The following PEPD variants were observed in gnomAD, a reference collection of about 807,000 sequenced individuals.
PEPD encodes the protein xaa-Pro dipeptidase.
In PEPD, 53 loss-of-function variants were observed where a neutral mutation model predicts 60.7. That is an observed-to-expected ratio of 0.87 (90% confidence interval 0.70 to 1.10). The LOEUF is 1.10. Among genes scored for constraint, PEPD ranks in the 50% least tolerant of loss-of-function variants. PEPD has a pLI of 0.00. For synonymous variants in PEPD, 267 were observed against 284.1 expected (o/e 0.94, Z 0.60); for missense variants, 711 against 711.9 (o/e 1.00, Z 0.01).
intron 7 of PEPD, among the ~76,000 whole-genome samples, chr19:33,465,572 C>G (rs1216472733): frequency 6.6e-6 from 1 of 152,100 alleles, no homozygotes; most frequent in African/African-American, 2.4e-5. Context: ...GCTGAGATGC[C>G]CTTGTGACAG....
At chr19:33,471,222 TGCTTAAATAGACG>T (rs1970114284) in intron 7 of PEPD, among the ~76,000 whole-genome samples, 1 of 152,156 alleles carries the variant, frequency 6.6e-6, no homozygotes, top group Non-Finnish European at 1.5e-5. Flanking sequence ...ATTGAATCTA[TGCTTAAATAGACG>T]TCTGCTGTGT....
intron 1 of PEPD, among the ~76,000 whole-genome samples, chr19:33,513,631 G>A (rs1970968935): frequency 2.0e-5 from 3 of 152,132 alleles, no homozygotes. Flanking sequence ...CTGCCAGAAG[G>A]GCCCTTTCAA....
chr19:33,449,779 C>T (rs1238116886), intron 9 of PEPD, among the ~76,000 whole-genome samples: 1 of 152,174 alleles, frequency 6.6e-6, no homozygotes, highest in Non-Finnish European at 1.5e-5. Flanking sequence ...GTGCATGGCT[C>T]CGATCCCAGC....
At chr19:33,459,736 A>T (rs781191741) in intron 9 of PEPD, among the ~76,000 whole-genome samples, 3 of 151,998 alleles carry the variant, frequency 2.0e-5, no homozygotes, top group Non-Finnish European at 4.4e-5. Context: ...ACAAAAACAG[A>T]TGAGGCTTAG....
intron 9 of PEPD, among the ~76,000 whole-genome samples, chr19:33,446,992 G>C (rs560824500): frequency 2.6e-5 from 4 of 152,368 alleles, no homozygotes; most frequent in African/African-American, 9.6e-5. Flanking sequence ...CTGTGTGGGG[G>C]ACTAGACCGC....
chr19:33,396,583 C>G (rs1056269005), intron 12 of PEPD, among the ~76,000 whole-genome samples: 2 of 152,112 alleles, frequency 1.3e-5, no homozygotes, highest in African/African-American at 4.8e-5. Context: ...CACAAAAGAG[C>G]TCATGAATCG....
At chr19:33,411,529 A>G in intron 11 of PEPD, 143 bp downstream of exon 11, 1 of 690,998 alleles carries the variant, frequency 1.4e-6, no homozygotes, top group Non-Finnish European at 2.7e-6. Flanking sequence ...CTTGGCAGAG[A>G]AGTCTGGGCC....
chr19:33,480,181 T>C (rs1970288026), intron 6 of PEPD, among the ~76,000 whole-genome samples: 2 of 152,050 alleles, frequency 1.3e-5, no homozygotes, highest in Admixed American at 6.5e-5. Context: ...AAGACACAAA[T>C]AGGTTGAAAG....
At position 33,462,925 on chromosome 19, in the gene PEPD, T is replaced by C. The variant is rs75449530; in HGVS notation, c.671+70A>G. ...TGTGCCACTGCGGCGTCTCATCTGT[T>C]ACTCACTCAGGGAACATAAATTACT... is the stretch of plus-strand genomic sequence containing the variant. On this transcript the variant is annotated intron_variant, in intron 9 of 14. Transcript: ENST00000244137. 133,860 of 924,180 alleles carry C rather than the reference T, an allele frequency of 0.14. 11,284 individuals are homozygous for C. The highest frequency in any genetic ancestry group is 0.31 in the East Asian group (13,135 of 41,808). 57.2% of individuals were successfully genotyped at this position (924,180 alleles called of 1,614,324 possible).
chr19:33,496,645 G>A (rs566201806), intron 4 of PEPD, among the ~76,000 whole-genome samples: 1 of 152,016 alleles, frequency 6.6e-6, no homozygotes, highest in African/African-American at 2.4e-5. Flanking sequence ...TCAGGGCCTC[G>A]TTTCCACGGA....
At chr19:33,485,535 A>T (rs1970381619) in intron 6 of PEPD, among the ~76,000 whole-genome samples, 1 of 151,180 alleles carries the variant, frequency 6.6e-6, no homozygotes, top group Non-Finnish European at 1.5e-5. Context: ...TATTAACTTG[A>T]TATCCAAGTT....
At chr19:33,401,485 G>A (rs1968489834) in intron 12 of PEPD, among the ~76,000 whole-genome samples, 1 of 152,188 alleles carries the variant, frequency 6.6e-6, no homozygotes, top group Admixed American at 6.5e-5. Context: ...GCAGACCGGG[G>A]AGCCTTGGCC....
chr19:33,412,795 G>A (rs530950653), intron 10 of PEPD, among the ~76,000 whole-genome samples: 5 of 152,228 alleles, frequency 3.3e-5, no homozygotes, highest in Admixed American at 6.5e-5. Flanking sequence ...CATCCTGGCC[G>A]GGCAGGGGCC....
chr19:33,438,452 T>C (rs1157799341), intron 9 of PEPD, among the ~76,000 whole-genome samples: 1 of 152,252 alleles, frequency 6.6e-6, no homozygotes, highest in East Asian at 1.9e-4. Context: ...CTCTCTCCCC[T>C]GCCCTTTGCC....
chr19:33,436,374 C>T (rs745554777), intron 9 of PEPD, among the ~76,000 whole-genome samples: 1 of 152,124 alleles, frequency 6.6e-6, no homozygotes, highest in Non-Finnish European at 1.5e-5. Context: ...AGGCGGGAGC[C>T]GTCCTCAGCA....
Position 33,413,613 on chromosome 19 carries a change from GC to G in PEPD, c.701del (p.Gly234AlafsTer87). On this transcript the variant is annotated frameshift_variant, in exon 10 of 15. Coordinates refer to ENST00000244137, the MANE Select transcript of PEPD (RefSeq NM_000285.4). LOFTEE classifies it high-confidence loss of function. Reference sequence around the variant, plus strand: ...AGGTGTAGGAGCTGTGGCGCATGCCGCCCCGGGAGTAGCAGTAGTGCTCGAA... The same window carrying G: ...AGGTGTAGGAGCTGTGGCGCATGCCGCCCGGGAGTAGCAGTAGTGCTCGAA... ...SLFEHYCYSR[G>X]GMRHSSYTCI... 1 of 1,588,532 alleles carries G rather than the reference GC, an allele frequency of 6.3e-7. No homozygotes were observed. The highest frequency in any genetic ancestry group is 8.6e-7 in the Non-Finnish European group (1 of 1,167,032).
At chr19:33,474,065 G>A (rs926845135) in intron 7 of PEPD, among the ~76,000 whole-genome samples, 3 of 152,190 alleles carry the variant, frequency 2.0e-5, no homozygotes, top group African/African-American at 7.2e-5. Context: ...AGCAGAAGCT[G>A]GGGTGCATGT....
chr19:33,457,420 C>T (rs530347396), intron 9 of PEPD, among the ~76,000 whole-genome samples: 1 of 152,312 alleles, frequency 6.6e-6, no homozygotes, highest in African/African-American at 2.4e-5. Context: ...GGCCCCACGC[C>T]CCCTGCAGTC....
intron 13 of PEPD, among the ~76,000 whole-genome samples, chr19:33,390,611 GC>G (rs11286113): frequency 0.14 from 20,624 of 152,218 alleles, 1,845 homozygotes; most frequent in Admixed American, 0.24. Context: ...GAGCGCCCCA[GC>G]CGCCCAGCCG....
Sources: allele counts gnomAD v4.1 joint callset (sites outside exome capture counted in the v4.1 genomes callset), GRCh38; gene constraint gnomAD v4.1.1; transcripts MANE v1.5; gene names NCBI Gene and HGNC (gene_info 2026-07-23, HGNC 2026-07-21).